The following WDR93 variants were observed in gnomAD, a reference collection of about 807,000 sequenced individuals.
WDR93 encodes WD repeat-containing protein 93.
A neutral mutation model predicts 82.9 loss-of-function variants in WDR93; 73 were observed. The observed-to-expected ratio is 0.88, with a 90% CI of 0.73 to 1.07. WDR93 has a LOEUF of 1.07. Ranked by LOEUF, WDR93 falls within the 50% of genes least tolerant of loss-of-function variation. WDR93 has a pLI of 0.00. For missense variants in WDR93, 738 were observed against 826.0 expected, an observed-to-expected ratio of 0.89 and a Z score of 1.31; for synonymous variants, 283 against 300.1, an observed-to-expected ratio of 0.94 and a Z score of 0.59.
chr15:89,721,676 A>G (rs1966534048), intron 7 of WDR93, among the ~76,000 whole-genome samples: 1 of 152,188 alleles, frequency 6.6e-6, no homozygotes, highest in African/African-American at 2.4e-5. Context: ...TGCAGTGGCT[A>G]TTCACAGGCA....
Position 89,736,113 on chromosome 15 carries a change from C to G in WDR93, c.1608+560C>G, listed in dbSNP as rs115815442. On this transcript the variant is annotated intron_variant, in intron 14 of 16. Transcript: ENST00000268130. ...GTCCCTGTGTGGGATGGGGCTCAAA[C>G]AGAGAGGTCAGAGAATGGGAACAGC... Among the ~76,000 whole-genome samples the G allele has an allele frequency of 7.7e-3, 1,172 of 152,302 alleles. 14 individuals carry two copies. The highest frequency in any genetic ancestry group is 0.027 in the African/African-American group (1,126 of 41,558).
At chr15:89,729,934 CT>C (rs1567124571) in intron 11 of WDR93, among the ~76,000 whole-genome samples, 165 bp downstream of exon 11, 1 of 152,164 alleles carries the variant, frequency 6.6e-6, no homozygotes, top group African/African-American at 2.4e-5. Flanking sequence ...CCGCAAGAAT[CT>C]GTCTCTGAAA....
rs16943515 is a variant in WDR93, at chr15:89,705,359, A to G, written c.497-195A>G. ...GTAGGTGGAGAGGACCCAGGAAGGA[A>G]AACAACCCGAACATTCAAGAGGGGT... On this transcript the variant is annotated intron_variant, in intron 3 of 16. Coordinates refer to ENST00000268130, the MANE Select transcript of WDR93 (RefSeq NM_020212.2). 7.1e-3 allele frequency: 4,201 copies of G among 587,592 alleles called. 149 individuals carry two copies. The highest frequency in any genetic ancestry group is 0.069 in the African/African-American group (3,657 of 52,870). 36.4% of individuals were successfully genotyped at this position (587,592 alleles called of 1,614,324 possible). A position where few individuals can be genotyped will look rare whatever the true frequency, so the allele number is the denominator to read the frequency against.
chr15:89,724,340 T>C (rs1340488838), intron 8 of WDR93, among the ~76,000 whole-genome samples: 4 of 152,060 alleles, frequency 2.6e-5, no homozygotes, highest in Non-Finnish European at 4.4e-5. Context: ...AGCGAGAACC[T>C]GTCTCAAAAA....
chr15:89,727,420 T>C, intron 9 of WDR93, 92 bp downstream of exon 9: 18 of 1,414,852 alleles, frequency 1.3e-5, no homozygotes, highest in Non-Finnish European at 1.7e-5. Context: ...CCTGAATTAA[T>C]CTGAGATTTA....
At chr15:89,695,943 A>C (rs1965149686) in intron 1 of WDR93, among the ~76,000 whole-genome samples, 2 of 150,634 alleles carry the variant, frequency 1.3e-5, no homozygotes, top group African/African-American at 4.9e-5. Context: ...CAGCCTCCTG[A>C]GTAGCTGGAA....
In WDR93 at chr15:89,727,161, C is replaced by G. The variant is rs765786444; in HGVS notation, c.885C>G (p.Thr295=). 10 of 1,613,116 alleles carry G rather than the reference C, an allele frequency of 6.2e-6. No homozygotes were observed. In the East Asian group the frequency reaches 2.2e-4, roughly 36 times the overall value. Residue 295 remains threonine, a synonymous_variant, in exon 9 of 17, where the codon ACC becomes ACG. Coordinates refer to ENST00000268130, the MANE Select transcript of WDR93 (RefSeq NM_020212.2). ...KIKPPKPVTG[T]TFKSPLEVFA... ...TCTGTAATATTTTCAACCTAGGCAC[C>G]ACATTCAAAAGCCCCCTGGAAGTCT...
chr15:89,708,115 T>C (rs1330904163), intron 4 of WDR93, among the ~76,000 whole-genome samples: 2 of 152,230 alleles, frequency 1.3e-5, no homozygotes, highest in Non-Finnish European at 2.9e-5. Context: ...ACAGATCTGT[T>C]GTTGCCTGGG....
intron 1 of WDR93, among the ~76,000 whole-genome samples, chr15:89,698,077 G>T (rs545725196): frequency 3.4e-4 from 51 of 151,606 alleles, no homozygotes; most frequent in African/African-American, 1.2e-3. Flanking sequence ...GTAGGGACAG[G>T]GTCTCACCGT....
chr15:89,709,891 T>C (rs888162629), intron 4 of WDR93, among the ~76,000 whole-genome samples: 1 of 150,448 alleles, frequency 6.6e-6, no homozygotes, highest in Admixed American at 6.6e-5. Flanking sequence ...CCGGGTACAG[T>C]GGCTCCTGCC....
Position 89,714,970 on chromosome 15 carries a change from C to T in WDR93, c.641-10C>T. On this transcript the variant is annotated splice_polypyrimidine_tract_variant and intron_variant, in intron 5 of 16. Transcript: ENST00000268130. ...CAGTTGCTCAATGGTTCTCTGGTTT[C>T]CCAATGCAGGAGCCGGAGATATTTG... The T allele has an allele frequency of 1.2e-6, 2 of 1,610,434 alleles. No individual in the cohort carries two copies. The highest frequency in any genetic ancestry group is 1.1e-5 in the South Asian group (1 of 90,546).
At chr15:89,731,213 T>A (rs571308533) in intron 11 of WDR93, among the ~76,000 whole-genome samples, 4 of 152,326 alleles carry the variant, frequency 2.6e-5, no homozygotes, top group African/African-American at 9.6e-5. Flanking sequence ...TAGGACATAC[T>A]CATTAAACAT....
At chr15:89,694,212 A>AT (rs1965040166) in intron 1 of WDR93, among the ~76,000 whole-genome samples, 1 of 144,670 alleles carries the variant, frequency 6.9e-6, no homozygotes. Flanking sequence ...ATCTGTACAA[A>AT]TTTTTTGCAC....
At position 89,729,099 on chromosome 15, in the gene WDR93, T is replaced by G. The variant is rs1966840579; in HGVS notation, c.1123+6T>G. On this transcript the variant is annotated splice_donor_region_variant and intron_variant, in intron 10 of 16. Coordinates refer to ENST00000268130, the MANE Select transcript of WDR93 (RefSeq NM_020212.2). ...GGAAGTCAAGGGCCCCTCAGGTAAA[T>G]GAACATGAAGTGGGTGGTTGTCCTA... 1 of 1,613,554 alleles carries G rather than the reference T, an allele frequency of 6.2e-7. No individual in the cohort carries two copies. The highest frequency in any genetic ancestry group is 1.7e-5 in the Admixed American group (1 of 59,988).
At chr15:89,742,864 A>T (rs1967789168) in intron 16 of WDR93, among the ~76,000 whole-genome samples, 2 of 152,222 alleles carry the variant, frequency 1.3e-5, no homozygotes, top group Non-Finnish European at 2.9e-5. Context: ...GACCCAACTC[A>T]AACTGTCTTT....
intron 6 of WDR93, 26 bp downstream of exon 6, chr15:89,715,121 GAT>G (rs1966188759): frequency 6.2e-7 from 1 of 1,600,664 alleles, no homozygotes; most frequent in Non-Finnish European, 8.5e-7. Flanking sequence ...GCTTTCAGCT[GAT>G]ATGTTTCTCC....
chr15:89,712,990 G>C (rs1966064463), intron 5 of WDR93, among the ~76,000 whole-genome samples: 1 of 152,064 alleles, frequency 6.6e-6, no homozygotes, highest in Non-Finnish European at 1.5e-5. Context: ...CAGACGTGGT[G>C]GTGGGCACCT....
At chr15:89,702,079 C>T in intron 2 of WDR93, 30 bp downstream of exon 2, 2 of 1,573,036 alleles carry the variant, frequency 1.3e-6, no homozygotes, top group Non-Finnish European at 1.7e-6. Context: ...CCAGGAGCCC[C>T]TGTTTCTCAG....
intron 11 of WDR93, among the ~76,000 whole-genome samples, 182 bp downstream of exon 11, chr15:89,729,951 T>C (rs1184863408): frequency 6.6e-6 from 1 of 152,198 alleles, no homozygotes. Flanking sequence ...TGAAATGTCA[T>C]GTTCCTTAAA....
Sources: gnomAD v4.1 joint callset for allele counts (sites outside exome capture counted in the v4.1 genomes callset) on GRCh38, gnomAD v4.1.1 for gene constraint, MANE v1.5 for transcripts, NCBI Gene and HGNC (gene_info 2026-07-23, HGNC 2026-07-21) for gene names.